The following MPV17L variants were observed in gnomAD, a reference collection of about 807,000 sequenced individuals.
The protein encoded by MPV17L is mpv17-like protein.
In MPV17L, 24 loss-of-function variants were observed where a neutral mutation model predicts 25.8. The observed-to-expected ratio is 0.93, with a 90% CI of 0.67 to 1.31. The LOEUF (loss-of-function observed/expected upper bound fraction) is 1.31. Ranked by LOEUF, MPV17L falls within the 50% of genes most tolerant of loss-of-function variation. The probability of loss-of-function intolerance (pLI) is 0.00; values close to 1 mark genes in which losing one functional copy is unlikely to be tolerated. For missense variants in MPV17L, 250 were observed against 265.6 expected (o/e 0.94, Z 0.41); for synonymous variants, 102 against 115.3 (o/e 0.88, Z 0.74).
rs2050697961 is a variant in MPV17L, at chr16:15,408,046, C to A, written c.525C>A (p.Phe175Leu). The change falls in exon 4 of 4, where the codon TTC becomes TTA. Residue 175 changes from phenylalanine to leucine, a missense_variant. Coordinates refer to ENST00000396385, the MANE Select transcript of MPV17L (RefSeq NM_001128423.2). ...CFSQQSGDGT[F>L]KSAFTILYTK... Reference sequence around the variant, plus strand: ...CCCAGCAGAGTGGTGACGGCACATTCAAGTCAGCTTTCACCATTTTATATA... The same window carrying A: ...CCCAGCAGAGTGGTGACGGCACATTAAAGTCAGCTTTCACCATTTTATATA... 2.5e-6 allele frequency: 4 copies of A among 1,613,882 alleles called. No individual in the cohort carries two copies. The highest frequency in any genetic ancestry group is 4.5e-5 in the East Asian group (2 of 44,876).
chr16:15,397,633 C>G (rs546300137), intron 1 of MPV17L, among the ~76,000 whole-genome samples: 54 of 152,214 alleles, frequency 3.5e-4, no homozygotes, highest in Admixed American at 6.5e-4. Context: ...AGATCTCCCC[C>G]CAAATGGGAG....
chr16:15,401,046 GTA>G (rs369559025), intron 2 of MPV17L, among the ~76,000 whole-genome samples, 189 bp downstream of exon 2: 21 of 63,706 alleles, frequency 3.3e-4, no homozygotes, highest in African/African-American at 1.2e-3. Context: ...GGATTTTTTT[GTA>G]TGTGTGTGTG....
intron 1 of MPV17L, among the ~76,000 whole-genome samples, chr16:15,398,074 G>A (rs560798030): frequency 1.2e-4 from 18 of 151,846 alleles, no homozygotes; most frequent in African/African-American, 2.7e-4. Context: ...ACAGAGTCTC[G>A]CTTTATTGCC....
At position 15,411,432 on chromosome 16, in the gene MPV17L, G is replaced by C. The variant is rs2050732692; in HGVS notation, c.*3320G>C. ...AGGCGAAGGCAGGTGGATCATCTGAGCCCAGGAGTTTGAGACCAGCCTAGG... is the reference window on the plus strand; with the variant it reads ...AGGCGAAGGCAGGTGGATCATCTGACCCCAGGAGTTTGAGACCAGCCTAGG... On this transcript the variant is annotated 3_prime_UTR_variant, in exon 4 of 4. Coordinates refer to ENST00000396385, the MANE Select transcript of MPV17L (RefSeq NM_001128423.2). The C allele has an allele frequency of 6.6e-6, 1 of 152,100 alleles. No homozygotes were observed. The highest frequency in any genetic ancestry group is 1.5e-5 in the Non-Finnish European group (1 of 68,060). 9.4% of individuals were successfully genotyped at this position (152,100 alleles called of 1,614,324 possible).
intron 2 of MPV17L, 80 bp downstream of exon 2, chr16:15,400,937 G>C (rs144631444): frequency 1.1e-6 from 1 of 907,968 alleles, no homozygotes; most frequent in Non-Finnish European, 1.5e-6. Flanking sequence ...TATATGTTTT[G>C]TGTTTATATT....
chr16:15,398,474 G>A (rs983583987), intron 1 of MPV17L, among the ~76,000 whole-genome samples: 2 of 152,136 alleles, frequency 1.3e-5, no homozygotes, highest in African/African-American at 4.8e-5. Context: ...GCCTGAAACT[G>A]AAAGATGCTG....
rs1457167547 is a variant in MPV17L, at chr16:15,410,249, T to G, written c.*2137T>G. The G allele has an allele frequency of 6.6e-6, 1 of 152,056 alleles. No individual in the cohort carries two copies. The highest frequency in any genetic ancestry group is 6.6e-5 in the Admixed American group (1 of 15,242). The allele number at this position is 152,056 out of a possible 1,614,324, so 9.4% of individuals were successfully genotyped here. A position where few individuals can be genotyped will look rare whatever the true frequency, so the allele number is the denominator to read the frequency against. On this transcript the variant is annotated 3_prime_UTR_variant, in exon 4 of 4. Transcript: ENST00000396385. ...GGAGGATTGCTTAAGGCAAGGAGTTTGAGACCAGCCTGGGCAATACAGCAA... is the reference window on the plus strand; with the variant it reads ...GGAGGATTGCTTAAGGCAAGGAGTTGGAGACCAGCCTGGGCAATACAGCAA...
At chr16:15,405,600 A>C (rs1333985104) in intron 2 of MPV17L, among the ~76,000 whole-genome samples, 1 of 151,682 alleles carries the variant, frequency 6.6e-6, no homozygotes, top group Non-Finnish European at 1.5e-5. Context: ...AGGTTCCTGC[A>C]ATCACGTCCT....
intron 2 of MPV17L, among the ~76,000 whole-genome samples, chr16:15,407,502 G>A (rs1202507940): frequency 1.6e-5 from 1 of 60,802 alleles, no homozygotes; most frequent in Non-Finnish European, 5.0e-5. Context: ...CAGCACTTTG[G>A]GATGCCGAGG....
chr16:15,409,426 A>G lies in MPV17L; in HGVS notation c.*1314A>G, dbSNP rs2150909212. 1 of 152,276 alleles carries G rather than the reference A, an allele frequency of 6.6e-6. No individual in the cohort carries two copies. Among genetic ancestry groups the G allele is most frequent in the South Asian group, 2.1e-4 (1 of 4,828 alleles). The allele number at this position is 152,276 out of a possible 1,614,324, so 9.4% of individuals were successfully genotyped here. ...TAGCCTTAACTGATGACATTGCACCATTGTGATATGTTACTGCCCCACCCT... is the reference window on the plus strand; with the variant it reads ...TAGCCTTAACTGATGACATTGCACCGTTGTGATATGTTACTGCCCCACCCT... On this transcript the variant is annotated 3_prime_UTR_variant, in exon 4 of 4. Transcript: ENST00000396385.
chr16:15,396,692 G>C (rs1287218519), intron 1 of MPV17L, among the ~76,000 whole-genome samples: 1 of 152,188 alleles, frequency 6.6e-6, no homozygotes, highest in African/African-American at 2.4e-5. Flanking sequence ...GGGGCCCCGG[G>C]GCCAACACAG....
intron 1 of MPV17L, among the ~76,000 whole-genome samples, chr16:15,396,442 A>T (rs529597082): frequency 7.2e-5 from 11 of 152,230 alleles, no homozygotes; most frequent in African/African-American, 2.4e-4. Context: ...GAGCCGAGAA[A>T]TTGGGGAGCC....
At chr16:15,398,590 CTTTTT>C (rs397742667) in intron 1 of MPV17L, among the ~76,000 whole-genome samples, 1 of 137,090 alleles carries the variant, frequency 7.3e-6, no homozygotes, top group Admixed American at 7.7e-5. Context: ...TTCTTTCTTT[CTTTTT>C]TTTTTTTTTT....
At chr16:15,398,989 A>G (rs1433135787) in intron 1 of MPV17L, among the ~76,000 whole-genome samples, 1 of 152,100 alleles carries the variant, frequency 6.6e-6, no homozygotes, top group Admixed American at 6.6e-5. Context: ...AAGGCTTTAC[A>G]TGGAAATTGC....
At chr16:15,399,306 T>A in intron 1 of MPV17L, 1 of 419,830 alleles carries the variant, frequency 2.4e-6, no homozygotes, top group Middle Eastern at 3.7e-4. Flanking sequence ...ATTCCCTCCC[T>A]CCTAATCAGG....
chr16:15,400,907 T>C (rs1205031340), intron 2 of MPV17L, 50 bp downstream of exon 2: 3 of 1,098,450 alleles, frequency 2.7e-6, no homozygotes, highest in Non-Finnish European at 3.7e-6. Context: ...TGTATATATG[T>C]ATATATATGT....
intron 1 of MPV17L, among the ~76,000 whole-genome samples, chr16:15,398,270 C>T (rs1340604409): frequency 6.6e-6 from 1 of 152,102 alleles, no homozygotes; most frequent in East Asian, 1.9e-4. Context: ...TCTCGAACTC[C>T]TGACCTCAAG....
At chr16:15,398,116 C>G (rs1287100393) in intron 1 of MPV17L, among the ~76,000 whole-genome samples, 2 of 152,040 alleles carry the variant, frequency 1.3e-5, no homozygotes, top group Admixed American at 1.3e-4. Flanking sequence ...CCAGTCTCAG[C>G]TCACTGAAAC....
At chr16:15,405,135 G>T (rs1467389447) in intron 2 of MPV17L, among the ~76,000 whole-genome samples, 1 of 152,028 alleles carries the variant, frequency 6.6e-6, no homozygotes, top group Non-Finnish European at 1.5e-5. Flanking sequence ...CCTAGAATCA[G>T]CCAATTCTTT....
Sources: allele counts gnomAD v4.1 joint callset (sites outside exome capture counted in the v4.1 genomes callset), GRCh38; gene constraint gnomAD v4.1.1; transcripts MANE v1.5; gene names NCBI Gene and HGNC (gene_info 2026-07-23, HGNC 2026-07-21).